The following GRIK2 variants were observed in gnomAD, a reference collection of about 807,000 sequenced individuals.
GRIK2 encodes the protein glutamate receptor ionotropic, kainate 2.
In GRIK2, 32 loss-of-function variants were observed where a neutral mutation model predicts 100.3. That is an observed-to-expected ratio of 0.32 (90% confidence interval 0.24 to 0.43). The LOEUF (loss-of-function observed/expected upper bound fraction) is 0.43, where lower values mean the gene tolerates loss of function less well. Ranked by LOEUF, GRIK2 falls within the 20% of genes least tolerant of loss-of-function variation. GRIK2 has a pLI of 1.00. For synonymous variants in GRIK2, 417 were observed against 389.4 expected (o/e 1.07, Z -0.83); for missense variants, 843 against 1,114.9 (o/e 0.76, Z 3.47).
chr6:101,960,151 T>C (rs377515256), intron 14 of GRIK2, among the ~76,000 whole-genome samples: 4 of 150,078 alleles, frequency 2.7e-5, no homozygotes, highest in African/African-American at 7.4e-5. Flanking sequence ...CTTCCAAATG[T>C]ATCTTGTAAT....
At chr6:101,686,090 A>T in intron 6 of GRIK2, 90 bp from the exon 7 acceptor site, 1 of 1,063,224 alleles carries the variant, frequency 9.4e-7, no homozygotes, top group East Asian at 2.5e-5. Context: ...TAAGTGACCT[A>T]AAAAAAACAA....
chr6:101,548,312 C>T (rs1406171397), intron 2 of GRIK2, among the ~76,000 whole-genome samples: 1 of 152,166 alleles, frequency 6.6e-6, no homozygotes, highest in Non-Finnish European at 1.5e-5. Context: ...TCTGCAGAAG[C>T]TCCTTAGTTG....
At chr6:101,572,342 C>T (rs1777578357) in intron 2 of GRIK2, among the ~76,000 whole-genome samples, 1 of 152,004 alleles carries the variant, frequency 6.6e-6, no homozygotes, top group African/African-American at 2.4e-5. Context: ...CCTCATACCA[C>T]CGCTCTTTCT....
chr6:101,656,067 C>T (rs1782048538), intron 4 of GRIK2, among the ~76,000 whole-genome samples: 1 of 152,000 alleles, frequency 6.6e-6, no homozygotes, highest in African/African-American at 2.4e-5. Flanking sequence ...CTTTGGGAGG[C>T]CAAGGTGGGT....
At chr6:101,437,589 A>G (rs555529651) in intron 2 of GRIK2, among the ~76,000 whole-genome samples, 1 of 152,294 alleles carries the variant, frequency 6.6e-6, no homozygotes, top group South Asian at 2.1e-4. Flanking sequence ...AAAGTGTTGT[A>G]AATAAATGTG....
intron 14 of GRIK2, among the ~76,000 whole-genome samples, chr6:102,031,121 A>ACACC (rs1269006957): frequency 8.4e-6 from 1 of 118,910 alleles, no homozygotes; most frequent in Admixed American, 8.8e-5. Flanking sequence ...ACACACACAC[A>ACACC]CACACACCCC....
rs574733337 is a variant in GRIK2 at position 102,007,578 on chromosome 6, A to G, written c.2086-27763A>G. Among the ~76,000 whole-genome samples the G allele has an allele frequency of 2.0e-5, 3 of 152,224 alleles. No individual in the cohort carries two copies. In the South Asian group the frequency reaches 6.2e-4, roughly 32 times the overall value. On this transcript the variant is annotated intron_variant, in intron 14 of 16. Coordinates refer to ENST00000369134, the MANE Select transcript of GRIK2 (RefSeq NM_021956.5). ...TCCTCCCACCAAATAGCATGAGAAC[A>G]ATTACATAAACCATTTGTATTAAGC...
At chr6:101,443,033 T>G (rs935370849) in intron 2 of GRIK2, among the ~76,000 whole-genome samples, 6 of 152,178 alleles carry the variant, frequency 3.9e-5, no homozygotes, top group Non-Finnish European at 8.8e-5. Flanking sequence ...TCCATTTGCA[T>G]CACACTATTT....
chr6:101,528,703 C>T (rs1018238310), intron 2 of GRIK2, among the ~76,000 whole-genome samples: 3 of 152,072 alleles, frequency 2.0e-5, no homozygotes, highest in African/African-American at 7.2e-5. Flanking sequence ...AGAGATCACA[C>T]ATAAAACAAT....
At position 101,760,634 on chromosome 6, in the gene GRIK2, A is replaced by ATAATTATATGTTTAATTATG. The variant is rs1562364557; in HGVS notation, c.952-39012_952-39011insATTATATGTTTAATTATGTA. ...TATATTTAATTATATGTTTAATTAT[A>ATAATTATATGTTTAATTATG]TATAATTATATATAATTATATGTTT... On this transcript the variant is annotated intron_variant, in intron 7 of 16. Transcript: ENST00000369134. Among the ~76,000 whole-genome samples the ATAATTATATGTTTAATTATG allele has an allele frequency of 1.1e-3, 79 of 71,162 alleles. 12 individuals carry two copies. Among genetic ancestry groups the ATAATTATATGTTTAATTATG allele is most frequent in the African/African-American group, 5.1e-3 (75 of 14,612 alleles). 46.7% of individuals were successfully genotyped at this position (71,162 alleles called of 152,430 possible).
chr6:101,494,058 AT>A (rs1323038536), intron 2 of GRIK2, among the ~76,000 whole-genome samples: 2 of 147,052 alleles, frequency 1.4e-5, no homozygotes, highest in Non-Finnish European at 3.0e-5. Flanking sequence ...TATATATGAT[AT>A]TTTTATACAA....
rs185538851 is a variant in GRIK2 at position 101,762,662 on chromosome 6, A to G, written c.952-36986A>G. 4.6e-5 allele frequency among the ~76,000 whole-genome samples: 7 copies of G among 152,318 alleles called. No homozygotes were observed. In the East Asian group the frequency reaches 1.4e-3, roughly 29 times the overall value. On this transcript the variant is annotated intron_variant, in intron 7 of 16. Coordinates refer to ENST00000369134, the MANE Select transcript of GRIK2 (RefSeq NM_021956.5). ...GACAAGACCAACATTTGCCTGGTCT[A>G]GTTTGATAAATGACTCTGTCTAAAA... is the stretch of plus-strand genomic sequence containing the variant.
intron 14 of GRIK2, among the ~76,000 whole-genome samples, chr6:101,989,109 T>C (rs773349340): frequency 6.6e-6 from 1 of 152,044 alleles, no homozygotes; most frequent in African/African-American, 2.4e-5. Flanking sequence ...CTTTAGCATG[T>C]GCATCTTAAC....
At chr6:101,827,412 C>T (rs1782403487) in intron 10 of GRIK2, among the ~76,000 whole-genome samples, 1 of 151,658 alleles carries the variant, frequency 6.6e-6, no homozygotes, top group South Asian at 2.1e-4. Flanking sequence ...AGGGTTATTG[C>T]TCTATAAGCC....
At chr6:101,530,673 C>T (rs1338112933) in intron 2 of GRIK2, among the ~76,000 whole-genome samples, 2 of 151,826 alleles carry the variant, frequency 1.3e-5, no homozygotes, top group East Asian at 1.9e-4. Context: ...TACTGAGAAG[C>T]CCTTATTTAG....
chr6:101,877,365 G>A (rs1357703576), intron 11 of GRIK2, among the ~76,000 whole-genome samples: 9 of 151,824 alleles, frequency 5.9e-5, no homozygotes, highest in Non-Finnish European at 1.2e-4. Flanking sequence ...CATTCCCTAA[G>A]CAATGCAGTA....
intron 4 of GRIK2, among the ~76,000 whole-genome samples, chr6:101,672,120 T>C (rs1427710310): frequency 2.0e-5 from 3 of 152,044 alleles, no homozygotes; most frequent in Non-Finnish European, 4.4e-5. Context: ...TATATGAAGG[T>C]GATTTTGAGT....
At chr6:101,413,060 G>A (rs1487777429) in intron 2 of GRIK2, among the ~76,000 whole-genome samples, 6 of 151,980 alleles carry the variant, frequency 3.9e-5, no homozygotes, top group African/African-American at 1.2e-4. Context: ...TACAAAACTA[G>A]GATAGAATTT....
intron 15 of GRIK2, among the ~76,000 whole-genome samples, chr6:102,044,643 C>A (rs1479419836): frequency 1.3e-5 from 2 of 151,968 alleles, no homozygotes; most frequent in Non-Finnish European, 2.9e-5. Context: ...TGGCTCCCTC[C>A]CACAATACAT....
Sources: allele counts gnomAD v4.1 joint callset (sites outside exome capture counted in the v4.1 genomes callset), GRCh38; gene constraint gnomAD v4.1.1; transcripts MANE v1.5; gene names NCBI Gene and HGNC (gene_info 2026-07-23, HGNC 2026-07-21).